Variants in KLHL7 observed in about 807,000 individuals in gnomAD.
The protein encoded by KLHL7 is kelch-like protein 7.
Under a neutral mutation model 67.4 loss-of-function variants are expected in KLHL7, and 44 were observed. The ratio of observed to expected loss-of-function variants is 0.65; its 90% CI spans 0.51 to 0.84. The LOEUF is 0.84. KLHL7 is among the 40% of genes least tolerant of loss of function. The pLI is 0.00. For synonymous variants in KLHL7, 252 were observed against 243.3 expected (o/e 1.04, Z -0.33); for missense variants, 362 against 718.1 (o/e 0.50, Z 5.67).
chr7:23,124,190 C>CAAAAAAAAAAAA (rs149801497), intron 2 of KLHL7, among the ~76,000 whole-genome samples: 1 of 25,872 alleles, frequency 3.9e-5, no homozygotes, highest in Non-Finnish European at 6.3e-5. Flanking sequence ...GACTCTGTCT[C>CAAAAAAAAAAAA]AAAAAAAAAA....
chr7:23,174,352 T>C lies in KLHL7; in HGVS notation c.*54T>C. 1.9e-6 allele frequency: 3 copies of C among 1,588,716 alleles called. No homozygotes were observed. The highest frequency in any genetic ancestry group is 2.6e-6 in the Non-Finnish European group (3 of 1,157,644). On this transcript the variant is annotated 3_prime_UTR_variant, in exon 11 of 11. Transcript: ENST00000339077. ...GACTCTAAAATATAGCCACCAGTGC[T>C]TTGTTCCAGGAGTTTGGTGACAAAG...
At chr7:23,169,380 T>C (rs1785091809) in intron 9 of KLHL7, among the ~76,000 whole-genome samples, 1 of 152,214 alleles carries the variant, frequency 6.6e-6, no homozygotes, top group Non-Finnish European at 1.5e-5. Flanking sequence ...ATAACTTCTT[T>C]CCAGTGCAAA....
At chr7:23,166,880 A>G (rs1421753985) in intron 8 of KLHL7, among the ~76,000 whole-genome samples, 1 of 152,068 alleles carries the variant, frequency 6.6e-6, no homozygotes, top group African/African-American at 2.4e-5. Flanking sequence ...AATCTACTAT[A>G]TACTATATAT....
chr7:23,160,824 T>A (rs1449156599), intron 7 of KLHL7, among the ~76,000 whole-genome samples: 1 of 152,206 alleles, frequency 6.6e-6, no homozygotes, highest in African/African-American at 2.4e-5. Flanking sequence ...TATGTATACA[T>A]CCTATGGAAT....
At chr7:23,137,418 G>C (rs1462859035) in intron 4 of KLHL7, among the ~76,000 whole-genome samples, 1 of 150,266 alleles carries the variant, frequency 6.7e-6, no homozygotes, top group Non-Finnish European at 1.5e-5. Context: ...AAGAAGAAAA[G>C]ATCAAAGAAC....
intron 9 of KLHL7, among the ~76,000 whole-genome samples, chr7:23,168,435 T>C (rs1035511962): frequency 2.0e-5 from 3 of 152,216 alleles, no homozygotes; most frequent in Non-Finnish European, 1.5e-5. Flanking sequence ...CATTAATAAA[T>C]CATGCCTCCC....
chr7:23,173,242 A>C (rs936942487), intron 10 of KLHL7, among the ~76,000 whole-genome samples, 197 bp downstream of exon 10: 1 of 152,222 alleles, frequency 6.6e-6, no homozygotes, highest in Non-Finnish European at 1.5e-5. Context: ...GAAATGTCGC[A>C]GTAGTCACCA....
At chr7:23,169,928 G>A (rs1368841863) in intron 9 of KLHL7, among the ~76,000 whole-genome samples, 1 of 152,088 alleles carries the variant, frequency 6.6e-6, no homozygotes, top group African/African-American at 2.4e-5. Flanking sequence ...ATGTTACCTA[G>A]TCCAGGTGTG....
At chr7:23,106,851 T>C (rs1562544329) in intron 1 of KLHL7, 6 of 979,894 alleles carry the variant, frequency 6.1e-6, no homozygotes, top group Non-Finnish European at 7.3e-6. Context: ...AAGAGGCTTT[T>C]TTTTTTTTTA....
rs568408377 is a variant in KLHL7 at position 23,106,380 on chromosome 7, T to TG, written c.120+239dup. 144 of 1,366,450 alleles carry TG rather than the reference T, an allele frequency of 1.1e-4. 1 individual carries two copies. The South Asian group carries it at 1.4e-3, about 13-fold the overall frequency. 84.6% of individuals were successfully genotyped at this position (1,366,450 alleles called of 1,614,324 possible). A position where few individuals can be genotyped will look rare whatever the true frequency, so the allele number is the denominator to read the frequency against. ...GGATGTAGCTCCCAAGTCAGACTCC[T>TG]GGGGGACTCCTCAGGCTGGCTTTCG... On this transcript the variant is annotated intron_variant, in intron 1 of 10. Transcript: ENST00000339077.
intron 1 of KLHL7, among the ~76,000 whole-genome samples, chr7:23,118,523 C>G (rs1783192582): frequency 6.6e-6 from 1 of 152,116 alleles, no homozygotes. Flanking sequence ...AAGAATGAGC[C>G]AGAATGCCTG....
At chr7:23,122,061 C>G (rs745967935) in intron 1 of KLHL7, among the ~76,000 whole-genome samples, 1 of 152,074 alleles carries the variant, frequency 6.6e-6, no homozygotes, top group Non-Finnish European at 1.5e-5. Context: ...AAGACTCTTC[C>G]TACTTATTTT....
Position 23,165,949 on chromosome 7 carries a change from C to G in KLHL7, c.1177+11C>G. ...GAGGTTCAGAAGTAGGTAAGGACTT[C>G]TTAAGTATTTTGGTTTGGGGCATAT... On this transcript the variant is annotated intron_variant, in intron 8 of 10. Coordinates refer to ENST00000339077, the MANE Select transcript of KLHL7 (RefSeq NM_001031710.3). 6.2e-7 allele frequency: 1 copy of G among 1,613,748 alleles called. No homozygotes were observed. Among genetic ancestry groups the G allele is most frequent in the East Asian group, 2.2e-5 (1 of 44,884 alleles).
chr7:23,138,202 A>T (rs1475547725), intron 4 of KLHL7, among the ~76,000 whole-genome samples: 1 of 148,788 alleles, frequency 6.7e-6, no homozygotes, highest in African/African-American at 2.5e-5. Flanking sequence ...GGTGGTTCAC[A>T]CCTGTAATCC....
intron 6 of KLHL7, among the ~76,000 whole-genome samples, chr7:23,145,061 G>C (rs1489242226): frequency 6.6e-6 from 1 of 152,082 alleles, no homozygotes; most frequent in Non-Finnish European, 1.5e-5. Context: ...TCCTGCCACT[G>C]CACTGCTACA....
Position 23,155,751 on chromosome 7 carries a change from A to G in KLHL7, c.936+3542A>G, listed in dbSNP as rs188498621. ...TTACACCCAATTTGTTTCCCAAACC[A>G]TAACTATGGTGTTGATTTTGGCAGT... On this transcript the variant is annotated intron_variant, in intron 7 of 10. Transcript: ENST00000339077. Among the ~76,000 whole-genome samples the G allele has an allele frequency of 3.1e-3, 474 of 152,332 alleles. 3 individuals are homozygous for G. Among genetic ancestry groups the G allele is most frequent in the African/African-American group, 0.011 (439 of 41,576 alleles).
chr7:23,132,773 G>A (rs1052210289), intron 4 of KLHL7, among the ~76,000 whole-genome samples: 3 of 152,140 alleles, frequency 2.0e-5, no homozygotes, highest in Non-Finnish European at 2.9e-5. Flanking sequence ...TTCATAGTTT[G>A]AGGTCTTAGA....
chr7:23,113,338 A>G (rs1319904292), intron 1 of KLHL7, among the ~76,000 whole-genome samples: 1 of 152,194 alleles, frequency 6.6e-6, no homozygotes, highest in African/African-American at 2.4e-5. Flanking sequence ...TTACCTGAAC[A>G]GGAGGTAAAA....
intron 1 of KLHL7, among the ~76,000 whole-genome samples, chr7:23,111,252 C>T (rs185540844): frequency 2.0e-5 from 3 of 152,220 alleles, no homozygotes; most frequent in Non-Finnish European, 4.4e-5. Context: ...AAGAGTGACT[C>T]AAGTAGAGGG....
Sources: gnomAD v4.1 joint callset for allele counts (sites outside exome capture counted in the v4.1 genomes callset) on GRCh38, gnomAD v4.1.1 for gene constraint, MANE v1.5 for transcripts, NCBI Gene and HGNC (gene_info 2026-07-23, HGNC 2026-07-21) for gene names.